QRSL1: variants seen among roughly 807,000 people sequenced by gnomAD.
QRSL1 encodes glutamyl-tRNA(Gln) amidotransferase subunit A, mitochondrial.
Under a neutral mutation model 61.6 loss-of-function variants are expected in QRSL1, and 54 were observed. The ratio of observed to expected loss-of-function variants is 0.88; its 90% CI spans 0.70 to 1.10. The LOEUF (loss-of-function observed/expected upper bound fraction) is 1.10. QRSL1 is among the 50% of genes least tolerant of loss of function. The pLI is 0.00. For synonymous variants in QRSL1, 228 were observed against 225.7 expected (o/e 1.01, Z -0.09); for missense variants, 505 against 622.6 (o/e 0.81, Z 2.01).
chr6:106,635,149 A>G (rs571335378), intron 1 of QRSL1, among the ~76,000 whole-genome samples: 1 of 152,232 alleles, frequency 6.6e-6, no homozygotes, highest in South Asian at 2.1e-4. Context: ...AGATAATTAA[A>G]GCTATAGGGC....
chr6:106,659,500 T>C (rs1428592718), intron 9 of QRSL1, among the ~76,000 whole-genome samples: 3 of 152,184 alleles, frequency 2.0e-5, no homozygotes, highest in Admixed American at 1.3e-4. Context: ...AGTAACTGTT[T>C]TAATGTTCTT....
At chr6:106,665,257 CAAAAATTCAAAAA>C (rs149198394) in intron 10 of QRSL1, among the ~76,000 whole-genome samples, 4,403 of 152,196 alleles carry the variant, frequency 0.029, 79 homozygotes, top group Non-Finnish European at 0.044. Flanking sequence ...AATGGATTGC[CAAAAATTCAAAAA>C]CTGAACAACA....
At chr6:106,660,425 A>G (rs1777339240) in intron 9 of QRSL1, among the ~76,000 whole-genome samples, 2 of 149,572 alleles carry the variant, frequency 1.3e-5, no homozygotes, top group South Asian at 2.1e-4. Context: ...GGGCTCAAGG[A>G]ATCCTACCCC....
intron 9 of QRSL1, among the ~76,000 whole-genome samples, chr6:106,660,938 A>T (rs140443070): frequency 0.01 from 1,576 of 152,240 alleles, 37 homozygotes; most frequent in African/African-American, 0.036. Context: ...CCATCTCTTA[A>T]TACTGTTTCA....
At chr6:106,644,796 G>C (rs1296250075) in intron 4 of QRSL1, among the ~76,000 whole-genome samples, 3 of 152,216 alleles carry the variant, frequency 2.0e-5, no homozygotes, top group Non-Finnish European at 4.4e-5. Flanking sequence ...TGGGATCATA[G>C]ACGTGAGCCA....
At chr6:106,652,707 G>C (rs893815897) in intron 7 of QRSL1, 125 bp downstream of exon 7, 48 of 1,552,826 alleles carry the variant, frequency 3.1e-5, no homozygotes, top group Non-Finnish European at 4.2e-5. Context: ...TGTGAGTTGA[G>C]TATGTGACTT....
chr6:106,654,923 G>A lies in QRSL1; in HGVS notation c.1042+1G>A. ...GCAAGATTTGATGGGCTACAATATG[G>A]TAAGATGGCTGGGTTATTTTATTTT... On this transcript the variant is annotated splice_donor_variant, in intron 8 of 10. Transcript: ENST00000369046. LOFTEE classifies it high-confidence loss of function. The A allele has an allele frequency of 6.4e-7, 1 of 1,564,000 alleles. No individual in the cohort carries two copies. The highest frequency in any genetic ancestry group is 8.6e-7 in the Non-Finnish European group (1 of 1,156,594).
chr6:106,657,114 C>A lies in QRSL1; in HGVS notation c.1160+1382C>A, dbSNP rs528412702. On this transcript the variant is annotated intron_variant, in intron 9 of 10. Transcript: ENST00000369046. ...TGAAAGCCTGTCTCTACTAAAAATA[C>A]AAAAATTAGCTGGGCGTGGTGGTGG... 1.5e-3 allele frequency among the ~76,000 whole-genome samples: 225 copies of A among 152,152 alleles called. 1 individual carries two copies. The highest frequency in any genetic ancestry group is 5.2e-3 in the African/African-American group (217 of 41,536).
At chr6:106,646,984 C>T (rs952617107) in intron 4 of QRSL1, among the ~76,000 whole-genome samples, 18 of 133,438 alleles carry the variant, frequency 1.3e-4, no homozygotes, top group Admixed American at 8.6e-5. Context: ...GCCGAAATCA[C>T]GCCACTGCAC....
rs773678225 is a variant in QRSL1 at position 106,663,165 on chromosome 6, C to T, written c.1346C>T (p.Thr449Ile). 6.2e-7 allele frequency: 1 copy of T among 1,614,072 alleles called. No homozygotes were observed. The highest frequency in any genetic ancestry group is 8.5e-7 in the Non-Finnish European group (1 of 1,179,948). Residue 449 changes from threonine to isoleucine, a missense_variant, in exon 10 of 11, where the codon ACA becomes ATA. By Grantham distance (89) the Thr-to-Ile change is moderately conservative (BLOSUM62 -1). Coordinates refer to ENST00000369046, the MANE Select transcript of QRSL1 (RefSeq NM_018292.5). Reference sequence around the variant, plus strand: ...CGAAGTGCCCAGGATGATATTTTTACACAAGCTGTAAATATGGCAGGTGAG... The same window carrying T: ...CGAAGTGCCCAGGATGATATTTTTATACAAGCTGTAAATATGGCAGGTGAG... ...RTRSAQDDIF[T>I]QAVNMAGLPA...
At position 106,655,627 on chromosome 6, in the gene QRSL1, A is replaced by T; in HGVS notation, c.1055A>T (p.Asp352Val). 1 of 1,608,244 alleles carries T rather than the reference A, an allele frequency of 6.2e-7. No homozygotes were observed. Among genetic ancestry groups the T allele is most frequent in the East Asian group, 2.2e-5 (1 of 44,772 alleles). Residue 352 changes from aspartate (D) to valine (V), a missense_variant, in exon 9 of 11, where the codon GAC (aspartate) becomes GTC (valine). Asp to Val is a radical substitution (Grantham distance 152, BLOSUM62 -3). Transcript: ENST00000369046. ...TTCTTGTTTTCAGGTCACAGATGTG[A>T]CATTGATGTGTCCACTGAAGCCATG... ...FDGLQYGHRC[D>V]IDVSTEAMYA... is the part of the protein sequence containing the mutation.
chr6:106,640,797 A>G, intron 2 of QRSL1, 26 bp from the exon 3 acceptor site: 3 of 1,555,764 alleles, frequency 1.9e-6, no homozygotes, highest in Non-Finnish European at 2.7e-6. Context: ...TATCTCCTTT[A>G]TCACTCTTTT....
At position 106,635,699 on chromosome 6, in the gene QRSL1, C is replaced by T. The variant is rs112606633; in HGVS notation, c.25-4650C>T. Among the ~76,000 whole-genome samples the T allele has an allele frequency of 6.8e-3, 1,031 of 152,100 alleles. 9 individuals are homozygous for T. The highest frequency in any genetic ancestry group is 0.011 in the Non-Finnish European group (769 of 67,994). On this transcript the variant is annotated intron_variant, in intron 1 of 10. Coordinates refer to ENST00000369046, the MANE Select transcript of QRSL1 (RefSeq NM_018292.5). ...ACCAGCCTGACCAACATGGTGAAAC[C>T]CCGTCTCTACTAAAAATACAAAAAT... is the stretch of plus-strand genomic sequence containing the variant.
chr6:106,655,839 T>C, intron 9 of QRSL1, 107 bp downstream of exon 9: 1 of 723,200 alleles, frequency 1.4e-6, no homozygotes, highest in Non-Finnish European at 2.3e-6. Context: ...AAAATCTTTA[T>C]GATTTGAATT....
At chr6:106,643,809 A>C (rs777304865) in intron 4 of QRSL1, among the ~76,000 whole-genome samples, 4 of 152,026 alleles carry the variant, frequency 2.6e-5, no homozygotes, top group African/African-American at 9.7e-5. Flanking sequence ...CCTTTCAAAG[A>C]GTAAAAGTTC....
chr6:106,647,858 T>G (rs1198815110), intron 4 of QRSL1, among the ~76,000 whole-genome samples: 9 of 149,156 alleles, frequency 6.0e-5, no homozygotes, highest in African/African-American at 1.7e-4. Context: ...CACCGTGTTA[T>G]CCAGGATGGT....
At chr6:106,639,111 G>GTTTT (rs1562164982) in intron 1 of QRSL1, among the ~76,000 whole-genome samples, 38 of 60,744 alleles carry the variant, frequency 6.3e-4, no homozygotes, top group African/African-American at 2.5e-3. Context: ...TTATTTGTGT[G>GTTTT]TTTTGTTGTT....
chr6:106,635,416 A>G (rs187320614), intron 1 of QRSL1, among the ~76,000 whole-genome samples: 1 of 152,236 alleles, frequency 6.6e-6, no homozygotes, highest in East Asian at 1.9e-4. Flanking sequence ...GGGTTTAGCT[A>G]TGTGGAGCTT....
rs1005694127 is a variant in QRSL1, at chr6:106,666,269, G to GC, written c.*269dup. On this transcript the variant is annotated 3_prime_UTR_variant, in exon 11 of 11. Coordinates refer to ENST00000369046, the MANE Select transcript of QRSL1 (RefSeq NM_018292.5). ...GGAGGTTGCAGTGAGCCGAGATCAT[G>GC]CCACTGCACTGCACTCCAGCCTGGG... 2.4e-6 allele frequency: 1 copy of GC among 424,626 alleles called. No homozygotes were observed. Among genetic ancestry groups the GC allele is most frequent in the African/African-American group, 2.0e-5 (1 of 49,462 alleles). 26.3% of individuals were successfully genotyped at this position (424,626 alleles called of 1,614,324 possible).
Sources: allele counts gnomAD v4.1 joint callset (sites outside exome capture counted in the v4.1 genomes callset), GRCh38; gene constraint gnomAD v4.1.1; transcripts MANE v1.5; gene names NCBI Gene and HGNC (gene_info 2026-07-23, HGNC 2026-07-21).